Variants in LRRTM4 observed in about 807,000 individuals in gnomAD.
The protein encoded by LRRTM4 is leucine-rich repeat transmembrane neuronal protein 4.
Under a neutral mutation model 47.6 loss-of-function variants are expected in LRRTM4, and 25 were observed. The observed-to-expected ratio is 0.53, with a 90% CI of 0.38 to 0.73. LRRTM4 has a LOEUF of 0.73. LRRTM4 is among the 30% of genes least tolerant of loss of function. LRRTM4 has a pLI of 0.00. For synonymous variants in LRRTM4, 311 were observed against 269.5 expected, an observed-to-expected ratio of 1.15 and a Z score of -1.51; for missense variants, 638 against 713.4, an observed-to-expected ratio of 0.89 and a Z score of 1.20.
chr2:76,937,852 C>T (rs1675010386), intron 3 of LRRTM4, among the ~76,000 whole-genome samples: 1 of 152,126 alleles, frequency 6.6e-6, no homozygotes, highest in Non-Finnish European at 1.5e-5. Flanking sequence ...AGGCATGAGC[C>T]ACTGCACCCG....
intron 3 of LRRTM4, among the ~76,000 whole-genome samples, chr2:77,015,321 G>C (rs1336706817): frequency 6.6e-6 from 1 of 151,998 alleles, no homozygotes; most frequent in African/African-American, 2.4e-5. Context: ...GGAGGAAGTT[G>C]TACTTTATTT....
At chr2:77,360,474 T>TAGG (rs1196598253) in intron 3 of LRRTM4, among the ~76,000 whole-genome samples, 4 of 130,960 alleles carry the variant, frequency 3.1e-5, no homozygotes, top group Middle Eastern at 3.4e-3. Context: ...TACAATACGA[T>TAGG]ATGATACGAT....
intron 3 of LRRTM4, among the ~76,000 whole-genome samples, chr2:76,923,024 T>G (rs879932614): frequency 1.1e-4 from 16 of 152,164 alleles, no homozygotes; most frequent in Non-Finnish European, 1.9e-4. Flanking sequence ...TAGAGTTATG[T>G]ACTAAGCATT....
intron 3 of LRRTM4, among the ~76,000 whole-genome samples, chr2:77,514,722 C>T (rs1193191255): frequency 6.6e-6 from 1 of 151,826 alleles, no homozygotes; most frequent in Admixed American, 6.6e-5. Flanking sequence ...ACCAATTTAA[C>T]TTTTTTTAAT....
chr2:77,233,891 A>G (rs1000108914), intron 3 of LRRTM4, among the ~76,000 whole-genome samples: 4 of 152,088 alleles, frequency 2.6e-5, no homozygotes, highest in African/African-American at 9.7e-5. Context: ...CCCTGCCTCC[A>G]TGTTCAAGCG....
chr2:76,933,867 G>T (rs1351230070), intron 3 of LRRTM4, among the ~76,000 whole-genome samples: 1 of 152,082 alleles, frequency 6.6e-6, no homozygotes, highest in Non-Finnish European at 1.5e-5. Context: ...TGGAAAAGTT[G>T]ATAATTTAAC....
intron 3 of LRRTM4, among the ~76,000 whole-genome samples, chr2:76,993,057 C>T (rs1677069353): frequency 6.6e-6 from 1 of 151,636 alleles, no homozygotes; most frequent in African/African-American, 2.4e-5. Flanking sequence ...TGCTTGGATA[C>T]CTGGCTAATC....
At chr2:76,778,772 CTGAGT>C (rs1252983396) in intron 3 of LRRTM4, among the ~76,000 whole-genome samples, 1 of 150,524 alleles carries the variant, frequency 6.6e-6, no homozygotes, top group African/African-American at 2.5e-5. Context: ...CAGTTCTGCT[CTGAGT>C]TTAGTTATTT....
chr2:76,902,173 A>T (rs1485120618), intron 3 of LRRTM4, among the ~76,000 whole-genome samples: 1 of 152,192 alleles, frequency 6.6e-6, no homozygotes, highest in Non-Finnish European at 1.5e-5. Flanking sequence ...TGACAAAATT[A>T]ACAGTCCATC....
intron 3 of LRRTM4, among the ~76,000 whole-genome samples, chr2:76,753,552 A>G (rs1462082701): frequency 6.6e-6 from 1 of 152,156 alleles, no homozygotes; most frequent in Non-Finnish European, 1.5e-5. Context: ...TTTTCTTCAA[A>G]TACAATGAAG....
intron 3 of LRRTM4, among the ~76,000 whole-genome samples, chr2:76,944,251 A>G (rs1268242534): frequency 2.0e-5 from 3 of 151,832 alleles, no homozygotes; most frequent in Non-Finnish European, 2.9e-5. Context: ...CCTCTCTTTT[A>G]TGCTCCTGAC....
chr2:76,825,081 A>G (rs1671155084), intron 3 of LRRTM4, among the ~76,000 whole-genome samples: 1 of 151,668 alleles, frequency 6.6e-6, no homozygotes, highest in African/African-American at 2.4e-5. Flanking sequence ...CCTAGAGCTC[A>G]GTCTCATAGT....
chr2:77,437,072 G>A (rs559804231), intron 3 of LRRTM4, among the ~76,000 whole-genome samples: 41 of 152,078 alleles, frequency 2.7e-4, no homozygotes, highest in Non-Finnish European at 5.2e-4. Context: ...TGATTAAAAA[G>A]AACCCACAAT....
rs567996372 is a variant in LRRTM4 at position 77,268,803 on chromosome 2, T to C, written c.1551+249515A>G. Among the ~76,000 whole-genome samples, 24 of 152,300 alleles carry C rather than the reference T, an allele frequency of 1.6e-4. No individual in the cohort carries two copies. The South Asian group carries it at 4.1e-3, about 26-fold the overall frequency. On this transcript the variant is annotated intron_variant, in intron 3 of 3. Coordinates refer to ENST00000409884, the MANE Select transcript of LRRTM4 (RefSeq NM_001134745.3). ...TTACACTAAACTAGCCATAATGACT[T>C]TTCTTCAATTTCTGTCATCTAGTGG...
intron 3 of LRRTM4, among the ~76,000 whole-genome samples, chr2:77,326,980 G>A (rs1053825570): frequency 6.6e-6 from 1 of 152,054 alleles, no homozygotes; most frequent in Admixed American, 6.6e-5. Flanking sequence ...CTAAACCAGC[G>A]GCTCAGCTGT....
chr2:77,014,453 G>A (rs868844996), intron 3 of LRRTM4, among the ~76,000 whole-genome samples: 1 of 150,614 alleles, frequency 6.6e-6, no homozygotes, highest in South Asian at 2.1e-4. Flanking sequence ...TGGTTTATAT[G>A]ATTGACTATT....
At chr2:77,112,990 C>G (rs1671290678) in intron 3 of LRRTM4, among the ~76,000 whole-genome samples, 1 of 152,078 alleles carries the variant, frequency 6.6e-6, no homozygotes, top group Admixed American at 6.5e-5. Context: ...TGTAATTTAG[C>G]TAAAAAATCA....
chr2:77,164,939 C>G (rs1672836946), intron 3 of LRRTM4, among the ~76,000 whole-genome samples: 1 of 152,060 alleles, frequency 6.6e-6, no homozygotes, highest in African/African-American at 2.4e-5. Flanking sequence ...CAAAAGCTAG[C>G]AGAAGGCAAG....
intron 3 of LRRTM4, among the ~76,000 whole-genome samples, chr2:76,793,708 G>C (rs928843480): frequency 6.6e-6 from 1 of 152,066 alleles, no homozygotes; most frequent in Non-Finnish European, 1.5e-5. Flanking sequence ...TTTGCAAAGT[G>C]TCTTCCATTT....
Sources: allele counts gnomAD v4.1 joint callset (sites outside exome capture counted in the v4.1 genomes callset), GRCh38; gene constraint gnomAD v4.1.1; transcripts MANE v1.5; gene names NCBI Gene and HGNC (gene_info 2026-07-23, HGNC 2026-07-21).